MTHFD1: variants seen among roughly 807,000 people sequenced by gnomAD.
MTHFD1 encodes C-1-tetrahydrofolate synthase, cytoplasmic.
Under a neutral mutation model 110.3 loss-of-function variants are expected in MTHFD1, and 44 were observed. The observed-to-expected ratio is 0.40, with a 90% CI of 0.31 to 0.51. The LOEUF is 0.51. Among genes scored for constraint, MTHFD1 ranks in the 20% least tolerant of loss-of-function variants. The pLI is 0.60. For synonymous variants in MTHFD1, 402 were observed against 428.8 expected (o/e 0.94, Z 0.77); for missense variants, 909 against 1,173.1 (o/e 0.77, Z 3.29).
In MTHFD1 at chr14:64,454,757, C is replaced by T; in HGVS notation, c.2600C>T (p.Thr867Ile). The T allele has an allele frequency of 6.2e-7, 1 of 1,614,022 alleles. No homozygotes were observed. Among genetic ancestry groups the T allele is most frequent in the Non-Finnish European group, 8.5e-7 (1 of 1,179,864 alleles). ...AATCTCCCCATCTGCATGGCTAAAA[C>T]ACACTTGTCTTTGTCTCACAACCCA... ...FGNLPICMAK[T>I]HLSLSHNPEQ... Residue 867 changes from threonine to isoleucine, a missense_variant, in exon 26 of 28, where the codon ACA becomes ATA. Around this residue, in one of 3 missense-constraint regions of MTHFD1, gnomAD observed 482 missense variants for 646.0 expected, o/e 0.75. Transcript: ENST00000652337.
intron 2 of MTHFD1, among the ~76,000 whole-genome samples, chr14:64,403,756 G>C (rs1366873412): frequency 6.6e-6 from 1 of 151,910 alleles, no homozygotes; most frequent in Admixed American, 6.6e-5. Context: ...TTGTTGCCCA[G>C]GCTAGTCTCC....
At chr14:64,420,036 G>C in intron 8 of MTHFD1, 111 bp downstream of exon 8, 1 of 823,246 alleles carries the variant, frequency 1.2e-6, no homozygotes, top group Non-Finnish European at 2.1e-6. Flanking sequence ...TAGTACTAAG[G>C]TTTAGGAGAC....
At chr14:64,431,076 CTTTT>C (rs369540665) in intron 13 of MTHFD1, among the ~76,000 whole-genome samples, 8,851 of 135,302 alleles carry the variant, frequency 0.065, 476 homozygotes, top group African/African-American at 0.16. Flanking sequence ...TTTTCTTTTT[CTTTT>C]TTTTTTTTTT....
chr14:64,391,294 A>G (rs1375220344), intron 1 of MTHFD1, among the ~76,000 whole-genome samples: 1 of 152,074 alleles, frequency 6.6e-6, no homozygotes, highest in Non-Finnish European at 1.5e-5. Flanking sequence ...CCTCCCAGGT[A>G]GCTGGGACTA....
chr14:64,402,941 C>T (rs1303258392), intron 2 of MTHFD1, among the ~76,000 whole-genome samples: 1 of 152,088 alleles, frequency 6.6e-6, no homozygotes, highest in Non-Finnish European at 1.5e-5. Context: ...AACACATGCA[C>T]TCAAGAGTTG....
chr14:64,441,928 A>G, intron 19 of MTHFD1, 126 bp from the exon 20 acceptor site: 1 of 727,864 alleles, frequency 1.4e-6, no homozygotes, highest in East Asian at 2.7e-5. Flanking sequence ...AAAAGAGATG[A>G]CTTTATATTT....
intron 26 of MTHFD1, 43 bp downstream of exon 26, chr14:64,454,918 C>A (rs766752934): frequency 1.2e-6 from 2 of 1,604,420 alleles, no homozygotes; most frequent in Non-Finnish European, 1.7e-6. Flanking sequence ...ATCTGCACTT[C>A]TCGTCTGAAG....
At chr14:64,445,699 C>T (rs1297539902) in intron 22 of MTHFD1, among the ~76,000 whole-genome samples, 2 of 152,184 alleles carry the variant, frequency 1.3e-5, no homozygotes, top group African/African-American at 4.8e-5. Context: ...GTCTGATTCA[C>T]GCGTAGGAGG....
rs757623514 is a variant in MTHFD1, at chr14:64,444,669, T to C, written c.2137-24T>C. The C allele has an allele frequency of 5.0e-6, 8 of 1,613,898 alleles. 1 individual carries two copies. The South Asian group carries it at 8.8e-5, about 18-fold the overall frequency. ...AGGAGATTTAAATAGGAAATGCCTC[T>C]GACTCTGTTTCTTTTCCTTCCAGGT... On this transcript the variant is annotated intron_variant, in intron 21 of 27. Coordinates refer to ENST00000652337, the MANE Select transcript of MTHFD1 (RefSeq NM_005956.4).
At chr14:64,426,283 T>C in intron 11 of MTHFD1, 91 bp downstream of exon 11, 1 of 1,450,452 alleles carries the variant, frequency 6.9e-7, no homozygotes, top group Non-Finnish European at 9.6e-7. Context: ...TATGTAGAGG[T>C]GCCTTTAATT....
intron 15 of MTHFD1, among the ~76,000 whole-genome samples, chr14:64,432,287 T>G (rs2078166197): frequency 6.6e-6 from 1 of 152,204 alleles, no homozygotes; most frequent in Non-Finnish European, 1.5e-5. Context: ...TGTTAAACAG[T>G]TAAAACCATA....
chr14:64,434,126 A>G (rs1418498728), intron 15 of MTHFD1, among the ~76,000 whole-genome samples: 2 of 152,214 alleles, frequency 1.3e-5, no homozygotes, highest in Non-Finnish European at 2.9e-5. Flanking sequence ...GCTCAGTTAT[A>G]GGGACAAACA....
At chr14:64,444,541 C>T (rs919391106) in intron 21 of MTHFD1, 152 bp from the exon 22 acceptor site, 43 of 849,744 alleles carry the variant, frequency 5.1e-5, no homozygotes, top group Non-Finnish European at 8.3e-5. Context: ...TGATTGGTCA[C>T]ATACCCTAAG....
At chr14:64,433,503 A>G (rs113960747) in intron 15 of MTHFD1, among the ~76,000 whole-genome samples, 9,413 of 152,008 alleles carry the variant, frequency 0.062, 510 homozygotes, top group African/African-American at 0.16. Context: ...CTACAGCCTC[A>G]ACCTCCAGGA....
At chr14:64,459,694 G>C in intron 27 of MTHFD1, 65 bp from the exon 28 acceptor site, 1 of 1,377,040 alleles carries the variant, frequency 7.3e-7, no homozygotes, top group South Asian at 1.4e-5. Flanking sequence ...GTGCAGTATG[G>C]AAGGAACAGG....
At chr14:64,401,391 A>G (rs1258365635) in intron 2 of MTHFD1, among the ~76,000 whole-genome samples, 1 of 152,156 alleles carries the variant, frequency 6.6e-6, no homozygotes, top group Non-Finnish European at 1.5e-5. Context: ...TTATCCATTA[A>G]TGTTTACTAT....
At position 64,398,498 on chromosome 14, in the gene MTHFD1, G is replaced by C. The variant is rs1301357996; in HGVS notation, c.42-2295G>C. ...GGAGGTGGAGGTTGCAGTGAGCTGT[G>C]ATTGCATCACTGCACTCCAGCCTGG... On this transcript the variant is annotated intron_variant, in intron 1 of 27. Transcript: ENST00000652337. Among the ~76,000 whole-genome samples the C allele has an allele frequency of 2.6e-5, 4 of 152,148 alleles. No homozygotes were observed. In the East Asian group the frequency reaches 7.7e-4, roughly 29 times the overall value.
intron 25 of MTHFD1, 141 bp from the exon 26 acceptor site, chr14:64,454,582 G>A: frequency 2.8e-6 from 2 of 704,132 alleles, no homozygotes; most frequent in African/African-American, 1.8e-5. Flanking sequence ...ATAAGCTGGA[G>A]GACAGCAAGA....
At chr14:64,421,891 C>T (rs1340346236) in intron 8 of MTHFD1, among the ~76,000 whole-genome samples, 1 of 152,128 alleles carries the variant, frequency 6.6e-6, no homozygotes, top group Non-Finnish European at 1.5e-5. Flanking sequence ...TCCCAAAGTG[C>T]TGGGATTACA....
Sources: allele counts gnomAD v4.1 joint callset (sites outside exome capture counted in the v4.1 genomes callset), GRCh38; gene constraint gnomAD v4.1.1; regional missense constraint gnomAD v4.1.1; transcripts MANE v1.5; gene names NCBI Gene and HGNC (gene_info 2026-07-23, HGNC 2026-07-21).